The following QKI variants were observed in gnomAD, a reference collection of about 807,000 sequenced individuals.
The protein encoded by QKI is QKI, KH domain containing RNA binding, also known as KH domain-containing RNA-binding protein QKI.
QKI carries 10 observed loss-of-function variants against 39.0 expected under a neutral mutation model. The ratio of observed to expected loss-of-function variants is 0.26; its 90% CI spans 0.16 to 0.43. QKI has a LOEUF of 0.43. Ranked by LOEUF, QKI falls within the 20% of genes least tolerant of loss-of-function variation. QKI has a pLI of 1.00. For missense variants in QKI, 218 were observed against 428.0 expected (o/e 0.51, Z 4.33); for synonymous variants, 204 against 155.4 (o/e 1.31, Z -2.33).
chr6:163,549,181 T>C (rs995171225), intron 4 of QKI, among the ~76,000 whole-genome samples: 1 of 151,198 alleles, frequency 6.6e-6, no homozygotes, highest in Non-Finnish European at 1.5e-5. Flanking sequence ...ACCAGAGAAA[T>C]GTGGGAGGAG....
intron 3 of QKI, among the ~76,000 whole-genome samples, chr6:163,480,291 T>TC (rs1471462057): frequency 6.6e-6 from 1 of 152,216 alleles, no homozygotes; most frequent in African/African-American, 2.4e-5. Flanking sequence ...CTTCCTTCCT[T>TC]CCTTCCTTTC....
intron 3 of QKI, among the ~76,000 whole-genome samples, chr6:163,529,321 T>C (rs892017740): frequency 6.6e-6 from 1 of 152,196 alleles, no homozygotes; most frequent in African/African-American, 2.4e-5. Context: ...CAGTTTGATA[T>C]TTGATTTGAA....
chr6:163,515,101 G>A (rs6455902), intron 3 of QKI, among the ~76,000 whole-genome samples: 119,609 of 152,046 alleles, frequency 0.79, 47,221 homozygotes, highest in East Asian at 1. Context: ...AATTCACAGG[G>A]CAGAAAACCT....
Position 163,567,252 on chromosome 6 carries a change from A to G in QKI, c.1009+457A>G, listed in dbSNP as rs1783421807. 3.0e-6 allele frequency: 3 copies of G among 986,980 alleles called. No individual in the cohort carries two copies. The African/African-American group carries it at 5.2e-5, about 17-fold the overall frequency. The allele number at this position is 986,980 out of a possible 1,614,324, so 61.1% of individuals were successfully genotyped here. The stretch of plus-strand genomic sequence containing the variant: ...GGAGAAAACTGAAGATTTAGTTTCC[A>G]TTTTTCTTTATAATAAAATATTTGA... On this transcript the variant is annotated intron_variant, in intron 7 of 7. Coordinates refer to ENST00000361752, the MANE Select transcript of QKI (RefSeq NM_006775.3).
At chr6:163,538,909 G>A (rs1048590598) in intron 4 of QKI, among the ~76,000 whole-genome samples, 3 of 152,190 alleles carry the variant, frequency 2.0e-5, no homozygotes, top group African/African-American at 7.2e-5. Flanking sequence ...GCAGGTTTGG[G>A]AGGAAAGTCA....
intron 3 of QKI, among the ~76,000 whole-genome samples, chr6:163,519,512 G>A (rs1321422422): frequency 2.6e-5 from 4 of 151,718 alleles, no homozygotes; most frequent in Non-Finnish European, 5.9e-5. Flanking sequence ...TTCTATTTAT[G>A]GATTGAAGGA....
chr6:163,518,263 C>A (rs1170182539), intron 3 of QKI, among the ~76,000 whole-genome samples: 24 of 152,118 alleles, frequency 1.6e-4, no homozygotes, highest in Admixed American at 1.6e-3. Context: ...ATTCAACAGA[C>A]TTCAAAAAAA....
In QKI at chr6:163,575,306, C is replaced by T. The variant is rs1159788512; in HGVS notation, c.*4596C>T. On this transcript the variant is annotated 3_prime_UTR_variant, in exon 8 of 8. Transcript: ENST00000361752. ...CTCATCTCATTTTCAGTTAAGGGTA[C>T]TTTATGTATAATTATGTCATTGCTG... 4 of 152,086 alleles carry T rather than the reference C, an allele frequency of 2.6e-5. No homozygotes were observed. The highest frequency in any genetic ancestry group is 2.6e-4 in the Admixed American group (4 of 15,252). The allele number at this position is 152,086 out of a possible 1,614,324, so 9.4% of individuals were successfully genotyped here.
intron 1 of QKI, among the ~76,000 whole-genome samples, chr6:163,418,589 G>A (rs1787736969): frequency 6.6e-6 from 1 of 151,836 alleles, no homozygotes; most frequent in South Asian, 2.1e-4. Context: ...TTTTAGGTTG[G>A]GCCCATCATA....
chr6:163,419,084 A>G (rs1787781100), intron 1 of QKI, among the ~76,000 whole-genome samples: 1 of 152,144 alleles, frequency 6.6e-6, no homozygotes, highest in African/African-American at 2.4e-5. Context: ...TACTGATTTG[A>G]AAATATATTT....
chr6:163,563,478 G>A lies in QKI; in HGVS notation c.693G>A (p.Gly231=). 1 of 1,613,994 alleles carries A rather than the reference G, an allele frequency of 6.2e-7. No homozygotes were observed. The highest frequency in any genetic ancestry group is 8.5e-7 in the Non-Finnish European group (1 of 1,179,962). The change falls in exon 6 of 8, where the codon GGG becomes GGA. Residue 231 remains glycine (G), a synonymous_variant. Coordinates refer to ENST00000361752, the MANE Select transcript of QKI (RefSeq NM_006775.3). ...AGGCTGCTCCAAGGATCATTACTGG[G>A]CCTGCGCCGGTTCTCCCACCAGCTG... ...TAQAAPRIIT[G]PAPVLPPAAL...
intron 3 of QKI, among the ~76,000 whole-genome samples, chr6:163,529,872 T>C (rs1780745888): frequency 6.6e-6 from 1 of 152,184 alleles, no homozygotes; most frequent in Non-Finnish European, 1.5e-5. Context: ...GAGACATTAA[T>C]TGTGGACAGA....
chr6:163,543,936 C>T (rs144565791), intron 4 of QKI, among the ~76,000 whole-genome samples: 11 of 152,152 alleles, frequency 7.2e-5, no homozygotes, highest in African/African-American at 2.4e-4. Context: ...CTTTAACAAA[C>T]GTTAACCAGA....
intron 3 of QKI, among the ~76,000 whole-genome samples, chr6:163,506,629 C>G (rs1033744091): frequency 2.0e-5 from 3 of 152,140 alleles, no homozygotes; most frequent in African/African-American, 7.2e-5. Context: ...TTAGCCACAT[C>G]ATTACTTAAG....
intron 3 of QKI, among the ~76,000 whole-genome samples, chr6:163,502,576 A>C (rs1182453668): frequency 1.3e-5 from 2 of 152,250 alleles, no homozygotes; most frequent in East Asian, 3.9e-4. Context: ...TGCTTCATAA[A>C]GGGGCTCCAT....
At chr6:163,418,729 G>A (rs1787753519) in intron 1 of QKI, among the ~76,000 whole-genome samples, 1 of 152,048 alleles carries the variant, frequency 6.6e-6, no homozygotes, top group East Asian at 1.9e-4. Flanking sequence ...AACCCTTAGA[G>A]CAGTTAATAT....
intron 6 of QKI, chr6:163,566,037 AGCCTCCGGGG>A: frequency 6.3e-7 from 1 of 1,589,606 alleles, no homozygotes. Flanking sequence ...TAGTCTCAGC[AGCCTCCGGGG>A]GAAAAAAGCT....
chr6:163,569,872 T>G, intron 7 of QKI: 1 of 987,550 alleles, frequency 1.0e-6, no homozygotes, highest in Middle Eastern at 5.2e-4. Context: ...TTTGATGTAC[T>G]TAGAGCTTTT....
chr6:163,478,599 G>A (rs147147604), intron 2 of QKI, among the ~76,000 whole-genome samples, 181 bp from the exon 3 acceptor site: 1 of 152,314 alleles, frequency 6.6e-6, no homozygotes, highest in Non-Finnish European at 1.5e-5. Flanking sequence ...GCTAAACGAT[G>A]AGCTATTGTA....
Sources: allele counts gnomAD v4.1 joint callset (sites outside exome capture counted in the v4.1 genomes callset), GRCh38; gene constraint gnomAD v4.1.1; transcripts MANE v1.5; gene names NCBI Gene and HGNC (gene_info 2026-07-23, HGNC 2026-07-21).